Variants in NCK2 observed in about 807,000 individuals in gnomAD.
NCK2 encodes cytoplasmic protein NCK2.
A neutral mutation model predicts 33.9 loss-of-function variants in NCK2; 16 were observed. The observed-to-expected ratio is 0.47, with a 90% CI of 0.32 to 0.72. The LOEUF is 0.72. Among genes scored for constraint, NCK2 ranks in the 30% least tolerant of loss-of-function variants. The probability of loss-of-function intolerance (pLI) is 0.03; values close to 1 mark genes in which losing one functional copy is unlikely to be tolerated. For missense variants in NCK2, 418 were observed against 537.3 expected, an observed-to-expected ratio of 0.78 and a Z score of 2.19; for synonymous variants, 273 against 239.9, an observed-to-expected ratio of 1.14 and a Z score of -1.27.
Position 105,822,508 on chromosome 2 carries a change from G to A in NCK2, c.-17+5895G>A, listed in dbSNP as rs551222243. Among the ~76,000 whole-genome samples, 103 of 151,992 alleles carry A rather than the reference G, an allele frequency of 6.8e-4. 1 individual carries two copies. The highest frequency in any genetic ancestry group is 1.3e-3 in the Non-Finnish European group (90 of 68,038). On this transcript the variant is annotated intron_variant, in intron 2 of 4. Transcript: ENST00000233154. ...TTCCCACAGCGCCCCTGTTCAGGGC[G>A]AAACATCATAAAATTGTGATTTAAC...
At chr2:105,818,778 G>T (rs1046333444) in intron 2 of NCK2, among the ~76,000 whole-genome samples, 1 of 152,154 alleles carries the variant, frequency 6.6e-6, no homozygotes, top group Non-Finnish European at 1.5e-5. Flanking sequence ...ATCTTTTGGT[G>T]TGGTGGTTTC....
At chr2:105,788,170 CT>C (rs1405561189) in intron 1 of NCK2, among the ~76,000 whole-genome samples, 3 of 152,150 alleles carry the variant, frequency 2.0e-5, no homozygotes. Flanking sequence ...GAGGCCAATT[CT>C]AGATAAGTTT....
At position 105,881,395 on chromosome 2, in the gene NCK2, G is replaced by A. The variant is rs1181881648; in HGVS notation, c.294G>A (p.Glu98=). 6.8e-6 allele frequency: 11 copies of A among 1,611,860 alleles called. No homozygotes were observed. The South Asian group carries it at 7.7e-5, about 11-fold the overall frequency. ...DASPTPSTDA[E]YPANGSGADR... ...CCCCCACGCCCAGCACGGACGCCGA[G>A]TACCCCGCCAATGGCAGCGGCGCCG... The change falls in exon 4 of 5, where the codon GAG becomes GAA. Residue 98 remains glutamate, a synonymous_variant. Transcript: ENST00000233154.
At chr2:105,846,513 CTG>C (rs1558867188) in intron 2 of NCK2, 3 of 151,592 alleles carry the variant, frequency 2.0e-5, no homozygotes, top group Non-Finnish European at 4.4e-5. Context: ...TAGCAGAAAA[CTG>C]TAGATGATCT....
At chr2:105,765,303 A>C (rs946590151) in intron 1 of NCK2, among the ~76,000 whole-genome samples, 3 of 152,206 alleles carry the variant, frequency 2.0e-5, no homozygotes, top group African/African-American at 7.2e-5. Flanking sequence ...AATTGACGAG[A>C]ATTTGTACAT....
At chr2:105,756,610 G>A (rs527700731) in intron 1 of NCK2, among the ~76,000 whole-genome samples, 2 of 152,338 alleles carry the variant, frequency 1.3e-5, no homozygotes, top group South Asian at 4.1e-4. Flanking sequence ...CCTGTGGTGA[G>A]TGGCCATGGG....
chr2:105,755,570 G>A (rs750306092), intron 1 of NCK2, among the ~76,000 whole-genome samples: 1 of 152,224 alleles, frequency 6.6e-6, no homozygotes, highest in Non-Finnish European at 1.5e-5. Context: ...ACGTTCATGC[G>A]TGTGGCTTCT....
At chr2:105,851,287 G>A (rs1442703811) in intron 2 of NCK2, among the ~76,000 whole-genome samples, 1 of 150,720 alleles carries the variant, frequency 6.6e-6, no homozygotes, top group Non-Finnish European at 1.5e-5. Context: ...TTTCTGAGAC[G>A]GAGTCTCGCT....
intron 2 of NCK2, among the ~76,000 whole-genome samples, chr2:105,846,355 T>C (rs1163426142): frequency 6.6e-6 from 1 of 152,148 alleles, no homozygotes; most frequent in Non-Finnish European, 1.5e-5. Flanking sequence ...GTAAATGAGT[T>C]GCTCAATGAT....
chr2:105,830,717 T>TGTGTGTGTGTGTGTGTGTGTG (rs1352679713), intron 2 of NCK2, among the ~76,000 whole-genome samples: 2 of 97,706 alleles, frequency 2.0e-5, no homozygotes, highest in South Asian at 2.7e-4. Flanking sequence ...GTGTGTGTGT[T>TGTGTGTGTGTGTGTGTGTGTG]TGGTCTGATA....
At chr2:105,769,597 C>T (rs907790391) in intron 1 of NCK2, among the ~76,000 whole-genome samples, 2 of 152,150 alleles carry the variant, frequency 1.3e-5, no homozygotes, top group Admixed American at 6.6e-5. Context: ...AGAAATGGGA[C>T]GTGTGGGTGA....
At chr2:105,880,983 G>A (rs377405377) in intron 3 of NCK2, among the ~76,000 whole-genome samples, 1 of 134,158 alleles carries the variant, frequency 7.5e-6, no homozygotes, top group African/African-American at 2.7e-5. Flanking sequence ...ACACGGTCTC[G>A]CTATGTTGCT....
intron 3 of NCK2, among the ~76,000 whole-genome samples, chr2:105,863,385 A>G (rs1338578071): frequency 6.6e-6 from 1 of 152,162 alleles, no homozygotes; most frequent in African/African-American, 2.4e-5. Context: ...ATCCCTTGGA[A>G]ATCCCGTCTG....
intron 2 of NCK2, among the ~76,000 whole-genome samples, chr2:105,845,685 C>T (rs1381471168): frequency 6.6e-6 from 1 of 152,010 alleles, no homozygotes; most frequent in Non-Finnish European, 1.5e-5. Flanking sequence ...TGAGCCACCA[C>T]GCCCAGCCGA....
chr2:105,774,769 T>G (rs1165224007), intron 1 of NCK2, among the ~76,000 whole-genome samples: 1 of 152,142 alleles, frequency 6.6e-6, no homozygotes, highest in African/African-American at 2.4e-5. Flanking sequence ...ATTTTGTAAC[T>G]TTTGTGAAGC....
chr2:105,816,002 C>T (rs1458120975), intron 1 of NCK2, among the ~76,000 whole-genome samples: 5 of 152,130 alleles, frequency 3.3e-5, no homozygotes, highest in East Asian at 1.9e-4. Context: ...TGCTGTTCAC[C>T]GGGTGTGTGG....
At chr2:105,758,149 A>G (rs1352204718) in intron 1 of NCK2, among the ~76,000 whole-genome samples, 1 of 152,162 alleles carries the variant, frequency 6.6e-6, no homozygotes, top group East Asian at 1.9e-4. Context: ...TTTGAGTGGA[A>G]TGCAGGTCTC....
At chr2:105,815,641 C>G (rs761283894) in intron 1 of NCK2, among the ~76,000 whole-genome samples, 4 of 152,170 alleles carry the variant, frequency 2.6e-5, no homozygotes, top group Non-Finnish European at 2.9e-5. Flanking sequence ...TCAGGTGCCT[C>G]TCATCTTAAC....
rs563491939 is a variant in NCK2, at chr2:105,776,086, T to C, written c.-201+30948T>C. ...GTGTGGCCTGGAGCATGTCCCTTAC[T>C]GCAGGCCACCTCTGGGGGTGTGGGT... On this transcript the variant is annotated intron_variant, in intron 1 of 4. Transcript: ENST00000233154. Among the ~76,000 whole-genome samples the C allele has an allele frequency of 1.9e-3, 287 of 152,338 alleles. 3 individuals carry two copies. Among genetic ancestry groups the C allele is most frequent in the African/African-American group, 6.6e-3 (276 of 41,584 alleles).
Sources: allele counts gnomAD v4.1 joint callset (sites outside exome capture counted in the v4.1 genomes callset), GRCh38; gene constraint gnomAD v4.1.1; transcripts MANE v1.5; gene names NCBI Gene and HGNC (gene_info 2026-07-23, HGNC 2026-07-21).